Variants in SPTA1 observed in about 807,000 individuals in gnomAD.
SPTA1 encodes the protein spectrin alpha chain, erythrocytic 1.
In SPTA1, 177 loss-of-function variants were observed where a neutral mutation model predicts 324.7. The observed-to-expected ratio is 0.55, with a 90% confidence interval of 0.48 to 0.62. SPTA1 has a LOEUF of 0.62. Among genes scored for constraint, SPTA1 ranks in the 20% least tolerant of loss-of-function variants. SPTA1 has a pLI of 0.00. For missense variants in SPTA1, 3,162 were observed against 2,883.6 expected, an observed-to-expected ratio of 1.10 and a Z score of -2.21; for synonymous variants, 1,195 against 1,041.3, an observed-to-expected ratio of 1.15 and a Z score of -2.84.
intron 17 of SPTA1, 131 bp downstream of exon 17, chr1:158,662,571 A>C (rs1653300999): frequency 1.0e-5 from 13 of 1,281,180 alleles, no homozygotes; most frequent in Non-Finnish European, 1.4e-5. Context: ...GGACTGGACA[A>C]ATTTTCATGA....
At position 158,618,055 on chromosome 1, in the gene SPTA1, CCCTGGA is replaced by C. The variant is rs1649685007; in HGVS notation, c.6531-5_6531del. The stretch of plus-strand genomic sequence containing the variant: ...AATACTGACCCATCCAGAAAGTAAG[CCCTGGA>C]CATGGAGGTCCGGAACAGGAATCAC... On this transcript the variant is annotated splice_acceptor_variant and splice_polypyrimidine_tract_variant and coding_sequence_variant and intron_variant, in exon 46 of 52. Coordinates refer to ENST00000643759, the MANE Select transcript of SPTA1 (RefSeq NM_003126.4). LOFTEE classifies it high-confidence loss of function. 6.2e-7 allele frequency: 1 copy of C among 1,611,484 alleles called. No homozygotes were observed. Among genetic ancestry groups the C allele is most frequent in the African/African-American group, 1.3e-5 (1 of 74,840 alleles).
At chr1:158,614,885 A>T in intron 48 of SPTA1, 1 of 277,916 alleles carries the variant, frequency 3.6e-6, no homozygotes, top group East Asian at 8.1e-5. Context: ...TAATCTAGAC[A>T]TTACATTTTA....
chr1:158,650,651 G>GC (rs151142797), intron 24 of SPTA1, among the ~76,000 whole-genome samples: 11,036 of 152,160 alleles, frequency 0.073, 532 homozygotes, highest in Non-Finnish European at 0.11. Context: ...TTCTTTATCT[G>GC]CATTGTCTTT....
chr1:158,613,834 A>G lies in SPTA1; in HGVS notation c.6876T>C (p.Thr2292=), dbSNP rs1431569879. Residue 2292 remains threonine, a synonymous_variant, in exon 50 of 52, where the codon ACT becomes ACC. Coordinates refer to ENST00000643759, the MANE Select transcript of SPTA1 (RefSeq NM_003126.4). The stretch of plus-strand genomic sequence containing the variant: ...TCAGGCAGGACCGGAACTCTTTGTG[A>G]GTCAGGCGCCCTGTCAAATTCTCAT... ...HFDENLTGRL[T]HKEFRSCLRG... 1 of 1,613,948 alleles carries G rather than the reference A, an allele frequency of 6.2e-7. No individual in the cohort carries two copies. Among genetic ancestry groups the G allele is most frequent in the Admixed American group, 1.7e-5 (1 of 59,974 alleles).
At position 158,669,547 on chromosome 1, in the gene SPTA1, T is replaced by A. The variant is rs1653857222; in HGVS notation, c.1694A>T (p.Asp565Val). The change falls in exon 14 of 52, where the codon GAT (aspartate) becomes GTT (valine). Residue 565 changes from aspartate (D) to valine (V), a missense_variant. Coordinates refer to ENST00000643759, the MANE Select transcript of SPTA1 (RefSeq NM_003126.4). ...AGTGGCAGCCTTTTCACGTAGGGCATCCCGCCGGGCTAACAGCTGCAAAAA... is the reference window on the plus strand; with the variant it reads ...AGTGGCAGCCTTTTCACGTAGGGCAACCCGCCGGGCTAACAGCTGCAAAAA... ...AIRDGLLARR[D>V]ALREKAATRR... 2.6e-5 allele frequency: 42 copies of A among 1,614,012 alleles called. No homozygotes were observed. Among genetic ancestry groups the A allele is most frequent in the Non-Finnish European group, 3.5e-5 (41 of 1,180,014 alleles).
At position 158,610,774 on chromosome 1, in the gene SPTA1, T is replaced by C. The variant is rs1649203234; in HGVS notation, c.*490A>G. The C allele has an allele frequency of 6.6e-6, 1 of 152,650 alleles. No individual in the cohort carries two copies. The highest frequency in any genetic ancestry group is 1.5e-5 in the Non-Finnish European group (1 of 68,400). 9.5% of individuals were successfully genotyped at this position (152,650 alleles called of 1,614,324 possible). A position where few individuals can be genotyped will look rare whatever the true frequency, so the allele number is the denominator to read the frequency against. The stretch of plus-strand genomic sequence containing the variant: ...CACATTCCAAAGTTTAAAAAAATTG[T>C]TTGAAAATTGCCTTGGATTTTATTT... On this transcript the variant is annotated 3_prime_UTR_variant, in exon 52 of 52. Coordinates refer to ENST00000643759, the MANE Select transcript of SPTA1 (RefSeq NM_003126.4).
chr1:158,627,111 A>G (rs1650330103), intron 40 of SPTA1, 104 bp from the exon 41 acceptor site: 2 of 1,460,952 alleles, frequency 1.4e-6, no homozygotes, highest in East Asian at 2.3e-5. Flanking sequence ...TCAAATATAT[A>G]ACCAAGTGTG....
At chr1:158,629,402 A>G (rs1013232503) in intron 39 of SPTA1, among the ~76,000 whole-genome samples, 1 of 152,002 alleles carries the variant, frequency 6.6e-6, no homozygotes, top group African/African-American at 2.4e-5. Flanking sequence ...AATAAATGTG[A>G]TACAACACAT....
rs1237996930 is a variant in SPTA1 at position 158,686,563 on chromosome 1, G to GAGAA, written c.-47_-46insTTCT. ...CTGGCAAGATAAAATGTGTCAGAGA[G>GAGAA]AGAGAGAGAGAGAAATAATTCAAAT... On this transcript the variant is annotated 5_prime_UTR_variant, in exon 1 of 52. An upstream open reading frame in the 5' UTR gains an earlier in-frame stop. Transcript: ENST00000643759. 7.0e-7 allele frequency: 1 copy of GAGAA among 1,419,648 alleles called. No individual in the cohort carries two copies. Among genetic ancestry groups the GAGAA allele is most frequent in the Non-Finnish European group, 1.0e-6 (1 of 1,004,346 alleles). The allele number at this position is 1,419,648 out of a possible 1,614,324, so 87.9% of individuals were successfully genotyped here.
At chr1:158,652,875 A>G (rs765373936) in intron 22 of SPTA1, among the ~76,000 whole-genome samples, 1 of 152,244 alleles carries the variant, frequency 6.6e-6, no homozygotes, top group Non-Finnish European at 1.5e-5. Flanking sequence ...TAAAAATGCC[A>G]GTGACCCAAT....
rs768546810 is a variant in SPTA1, at chr1:158,611,400, TAA to T, written c.7135-13_7135-12del. 1 of 1,613,216 alleles carries T rather than the reference TAA, an allele frequency of 6.2e-7. No homozygotes were observed. Among genetic ancestry groups the T allele is most frequent in the East Asian group, 2.2e-5 (1 of 44,856 alleles). ...CTCTGGGGTAAGGGCCTGAAAAGTA[TAA>T]AAAGAGAAAAATACAGTTATAGGGA... On this transcript the variant is annotated splice_polypyrimidine_tract_variant and intron_variant, in intron 51 of 51. Transcript: ENST00000643759.
rs1459803831 is a variant in SPTA1, at chr1:158,643,545, G to A, written c.4339-120C>T. 11 of 968,606 alleles carry A rather than the reference G, an allele frequency of 1.1e-5. No homozygotes were observed. The East Asian group carries it at 2.8e-4, about 25-fold the overall frequency. 60.0% of individuals were successfully genotyped at this position (968,606 alleles called of 1,614,324 possible). A position where few individuals can be genotyped will look rare whatever the true frequency, so the allele number is the denominator to read the frequency against. Reference sequence around the variant, plus strand: ...TGTGGATTCAGAAGATATACTCAGGGTCAAATAATATATGCCTTACAGGGA... The same window carrying A: ...TGTGGATTCAGAAGATATACTCAGGATCAAATAATATATGCCTTACAGGGA... On this transcript the variant is annotated intron_variant, in intron 30 of 51. Coordinates refer to ENST00000643759, the MANE Select transcript of SPTA1 (RefSeq NM_003126.4).
intron 7 of SPTA1, 92 bp downstream of exon 7, chr1:158,677,598 T>C: frequency 2.0e-6 from 3 of 1,477,158 alleles, no homozygotes; most frequent in Non-Finnish European, 2.8e-6. Flanking sequence ...AGTGAACTTA[T>C]TGTGCTCTCT....
intron 26 of SPTA1, among the ~76,000 whole-genome samples, chr1:158,648,043 T>C (rs1038974180): frequency 3.3e-5 from 5 of 152,206 alleles, no homozygotes; most frequent in African/African-American, 1.2e-4. Context: ...TTGCTCTGCA[T>C]GATAATGCCA....
intron 33 of SPTA1, among the ~76,000 whole-genome samples, chr1:158,641,574 G>C (rs1195023849): frequency 6.6e-6 from 1 of 152,150 alleles, no homozygotes; most frequent in Non-Finnish European, 1.5e-5. Flanking sequence ...CATCATCACT[G>C]GTCATCAGAG....
Position 158,657,470 on chromosome 1 carries a change from A to AC in SPTA1, c.2805+6dup. 2 of 1,181,272 alleles carry AC rather than the reference A, an allele frequency of 1.7e-6. No homozygotes were observed. Among genetic ancestry groups the AC allele is most frequent in the Non-Finnish European group, 2.5e-6 (2 of 799,494 alleles). The allele number at this position is 1,181,272 out of a possible 1,614,324, so 73.2% of individuals were successfully genotyped here. A position where few individuals can be genotyped will look rare whatever the true frequency, so the allele number is the denominator to read the frequency against. On this transcript the variant is annotated splice_region_variant and intron_variant, in intron 19 of 51. Transcript: ENST00000643759. ...GATTCACAATGTTAAACCCACCCCC[A>AC]CCTTACCCCAGCTGCTTCTTCATCA...
intron 14 of SPTA1, 43 bp downstream of exon 14, chr1:158,669,365 G>T (rs756795277): frequency 6.2e-7 from 1 of 1,613,154 alleles, no homozygotes; most frequent in Non-Finnish European, 8.5e-7. Flanking sequence ...CCAATGAAAG[G>T]AACTCCTGAT....
intron 33 of SPTA1, among the ~76,000 whole-genome samples, chr1:158,641,246 T>C (rs1398321071): frequency 1.3e-5 from 2 of 152,130 alleles, no homozygotes; most frequent in Non-Finnish European, 2.9e-5. Flanking sequence ...GACATAGGCA[T>C]GGGCAAGGAC....
intron 47 of SPTA1, 97 bp downstream of exon 47, chr1:158,617,440 A>G (rs1403231024): frequency 2.1e-6 from 2 of 947,582 alleles, no homozygotes; most frequent in Non-Finnish European, 3.4e-6. Flanking sequence ...CAGGTGATAC[A>G]TACCTAAAAG....
Sources: gnomAD v4.1 joint callset for allele counts (sites outside exome capture counted in the v4.1 genomes callset) on GRCh38, gnomAD v4.1.1 for gene constraint, MANE v1.5 for transcripts, NCBI Gene and HGNC (gene_info 2026-07-23, HGNC 2026-07-21) for gene names.